Variants in DCHS2 observed in about 807,000 individuals in gnomAD.
The protein encoded by DCHS2 is protocadherin-23.
DCHS2 carries 142 observed loss-of-function variants against 182.4 expected under a neutral mutation model. The observed-to-expected ratio is 0.78, with a 90% confidence interval of 0.68 to 0.89. The LOEUF (loss-of-function observed/expected upper bound fraction) is 0.89. Among genes scored for constraint, DCHS2 ranks in the 40% least tolerant of loss-of-function variants. The pLI is 0.00. For missense variants in DCHS2, 4,319 were observed against 4,198.6 expected (o/e 1.03, Z -0.79); for synonymous variants, 1,740 against 1,663.3 (o/e 1.05, Z -1.12).
chr4:154,242,170 A>T (rs546525792), intron 17 of DCHS2, among the ~76,000 whole-genome samples: 8 of 152,168 alleles, frequency 5.3e-5, no homozygotes, highest in Admixed American at 3.9e-4. Flanking sequence ...AACCTCTACC[A>T]TTAGTGTGGT....
At chr4:154,304,926 C>T (rs773732626) in intron 11 of DCHS2, 48 bp from the exon 12 acceptor site, 32 of 1,549,570 alleles carry the variant, frequency 2.1e-5, no homozygotes, top group Non-Finnish European at 2.7e-5. Flanking sequence ...TTGATTCATA[C>T]CTAAAATATG....
intron 1 of DCHS2, among the ~76,000 whole-genome samples, chr4:154,455,468 G>A (rs1734724631): frequency 6.6e-6 from 1 of 152,208 alleles, no homozygotes; most frequent in African/African-American, 2.4e-5. Flanking sequence ...GTCTGCAAGT[G>A]ATTTTGTTTA....
At chr4:154,360,355 A>G (rs1248163823) in intron 3 of DCHS2, among the ~76,000 whole-genome samples, 1 of 152,086 alleles carries the variant, frequency 6.6e-6, no homozygotes, top group East Asian at 1.9e-4. Context: ...TGAGGCAGCT[A>G]ATTTGTAAGG....
At chr4:154,287,973 G>T (rs773842436) in intron 13 of DCHS2, among the ~76,000 whole-genome samples, 1 of 152,066 alleles carries the variant, frequency 6.6e-6, no homozygotes, top group Non-Finnish European at 1.5e-5. Context: ...AGAGAAAACC[G>T]CCTTCACTAA....
chr4:154,362,062 T>A lies in DCHS2; in HGVS notation c.2476+4148A>T, dbSNP rs552281201. On this transcript the variant is annotated intron_variant, in intron 3 of 19. Coordinates refer to ENST00000357232, the MANE Select transcript of DCHS2 (RefSeq NM_001358235.2). ...ATCAATTCTCAATCTTCTTCTCATA[T>A]GACATAACATCTCAACCTGCCTATA... Among the ~76,000 whole-genome samples the A allele has an allele frequency of 2.4e-4, 37 of 152,284 alleles. No homozygotes were observed. The South Asian group carries it at 7.7e-3, about 32-fold the overall frequency.
intron 1 of DCHS2, among the ~76,000 whole-genome samples, chr4:154,378,116 G>A (rs1730996409): frequency 6.6e-6 from 1 of 152,088 alleles, no homozygotes; most frequent in African/African-American, 2.4e-5. Context: ...CGCCAAAACA[G>A]GCACAAACAC....
chr4:154,464,526 A>G (rs1735156903), intron 1 of DCHS2, among the ~76,000 whole-genome samples: 1 of 152,210 alleles, frequency 6.6e-6, no homozygotes, highest in South Asian at 2.1e-4. Context: ...AAAACTAAGA[A>G]ACTAAGTGAT....
At chr4:154,304,169 C>T (rs557175254) in intron 12 of DCHS2, among the ~76,000 whole-genome samples, 1 of 150,816 alleles carries the variant, frequency 6.6e-6, no homozygotes, top group Admixed American at 6.6e-5. Flanking sequence ...ATGAAATGAC[C>T]CAGTAAGAAT....
intron 1 of DCHS2, among the ~76,000 whole-genome samples, chr4:154,478,878 A>C (rs1328922498): frequency 1.3e-5 from 2 of 152,244 alleles, no homozygotes; most frequent in African/African-American, 4.8e-5. Flanking sequence ...GAAGAATGTA[A>C]CACTCAGAAG....
chr4:154,466,019 A>G (rs12649437), intron 1 of DCHS2, among the ~76,000 whole-genome samples: 38,910 of 152,048 alleles, frequency 0.26, 5,155 homozygotes, highest in Middle Eastern at 0.33. Flanking sequence ...TAAGGAAAAG[A>G]TGATAAATTT....
At chr4:154,319,480 A>G (rs762159636) in intron 9 of DCHS2, among the ~76,000 whole-genome samples, 2 of 151,900 alleles carry the variant, frequency 1.3e-5, no homozygotes, top group Non-Finnish European at 2.9e-5. Context: ...CTACAACTAA[A>G]CATAAAAAAA....
intron 1 of DCHS2, among the ~76,000 whole-genome samples, chr4:154,408,366 A>G (rs1732484290): frequency 6.6e-6 from 1 of 152,226 alleles, no homozygotes; most frequent in African/African-American, 2.4e-5. Flanking sequence ...CTATCCAAGA[A>G]GCTTAATAGT....
At chr4:154,305,315 T>C (rs1300575659) in intron 10 of DCHS2, 84 bp from the exon 11 acceptor site, 3 of 1,445,510 alleles carry the variant, frequency 2.1e-6, no homozygotes, top group Non-Finnish European at 2.7e-6. Flanking sequence ...CCTTTGAACA[T>C]GTTAGGCCAT....
chr4:154,250,196 T>C (rs1157021903), intron 16 of DCHS2, among the ~76,000 whole-genome samples: 1 of 152,200 alleles, frequency 6.6e-6, no homozygotes, highest in East Asian at 1.9e-4. Context: ...ACTGTATTTT[T>C]AGTGATTCTA....
chr4:154,337,318 G>T (rs1034293925), intron 3 of DCHS2, among the ~76,000 whole-genome samples: 2 of 152,080 alleles, frequency 1.3e-5, no homozygotes, highest in South Asian at 4.1e-4. Context: ...AATTTTAAAA[G>T]ATTTTATGTT....
intron 1 of DCHS2, among the ~76,000 whole-genome samples, chr4:154,445,802 C>T (rs10019392): frequency 0.18 from 23,784 of 132,796 alleles, 2,067 homozygotes; most frequent in South Asian, 0.24. Context: ...TAGAGCAAGA[C>T]ACTGTCAAAA....
rs555648084 is a variant in DCHS2 at position 154,435,054 on chromosome 4, T to C, written c.2052+54250A>G. On this transcript the variant is annotated intron_variant, in intron 1 of 19. Coordinates refer to ENST00000357232, the MANE Select transcript of DCHS2 (RefSeq NM_001358235.2). The stretch of plus-strand genomic sequence containing the variant: ...GATATTAAGAATGGAGTTCAATCCA[T>C]AGTAATGCACCAAGGTTTGTTTCTT... 1.7e-3 allele frequency among the ~76,000 whole-genome samples: 258 copies of C among 152,212 alleles called. 1 individual carries two copies. The highest frequency in any genetic ancestry group is 5.8e-3 in the African/African-American group (240 of 41,548).
chr4:154,454,423 T>G (rs1213927573), intron 1 of DCHS2, among the ~76,000 whole-genome samples: 1 of 152,308 alleles, frequency 6.6e-6, no homozygotes, highest in East Asian at 1.9e-4. Flanking sequence ...TTTCTATTTT[T>G]TATAGAGATG....
At position 154,417,192 on chromosome 4, in the gene DCHS2, TGTGTGTGTGTGTGAGA is replaced by T. The variant is rs1394720561; in HGVS notation, c.2053-39764_2053-39749del. On this transcript the variant is annotated intron_variant, in intron 1 of 19. Coordinates refer to ENST00000357232, the MANE Select transcript of DCHS2 (RefSeq NM_001358235.2). ...GTGTGTGTGTGTGTGTGTGTGTGTG[TGTGTGTGTGTGTGAGA>T]GAGAGAGAGAGAGAGAGAGAGAGAG... Among the ~76,000 whole-genome samples the T allele has an allele frequency of 6.1e-3, 627 of 103,562 alleles. 1 individual carries two copies. Among genetic ancestry groups the T allele is most frequent in the African/African-American group, 0.02 (516 of 25,764 alleles). The allele number at this position is 103,562 out of a possible 152,430, so 67.9% of individuals were successfully genotyped here.
Sources: allele counts gnomAD v4.1 joint callset (sites outside exome capture counted in the v4.1 genomes callset), GRCh38; gene constraint gnomAD v4.1.1; transcripts MANE v1.5; gene names NCBI Gene and HGNC (gene_info 2026-07-23, HGNC 2026-07-21).